Variants in SUSD6 observed in about 807,000 individuals in gnomAD.
SUSD6 encodes sushi domain-containing protein 6.
In SUSD6, 16 loss-of-function variants were observed where a neutral mutation model predicts 28.4. The ratio of observed to expected loss-of-function variants is 0.56; its 90% CI spans 0.38 to 0.86. The LOEUF is 0.86. Among genes scored for constraint, SUSD6 ranks in the 40% least tolerant of loss-of-function variants. The pLI is 0.00. For missense variants in SUSD6, 341 were observed against 384.2 expected (o/e 0.89, Z 0.94); for synonymous variants, 147 against 159.6 (o/e 0.92, Z 0.59).
intron 2 of SUSD6, among the ~76,000 whole-genome samples, chr14:69,691,732 A>T (rs143178678): frequency 6.6e-6 from 1 of 152,170 alleles, no homozygotes; most frequent in East Asian, 1.9e-4. Context: ...CCTTTCACAT[A>T]TCCGTCTTAG....
intron 1 of SUSD6, among the ~76,000 whole-genome samples, chr14:69,628,631 G>A (rs564385078): frequency 3.9e-5 from 6 of 151,968 alleles, no homozygotes; most frequent in African/African-American, 1.4e-4. Context: ...GGATAAATCA[G>A]GAAACCAAGC....
At chr14:69,647,985 A>G (rs776794049) in intron 1 of SUSD6, among the ~76,000 whole-genome samples, 2 of 152,162 alleles carry the variant, frequency 1.3e-5, no homozygotes, top group Non-Finnish European at 2.9e-5. Context: ...TCAGGAAAAA[A>G]AAAATAAAGA....
chr14:69,694,028 G>T (rs79354412), intron 2 of SUSD6, among the ~76,000 whole-genome samples: 6,062 of 152,298 alleles, frequency 0.04, 435 homozygotes, highest in African/African-American at 0.14. Context: ...ACAAAATTTT[G>T]CAAGTCACGT....
At chr14:69,667,100 A>G (rs549109029) in intron 2 of SUSD6, among the ~76,000 whole-genome samples, 1 of 152,272 alleles carries the variant, frequency 6.6e-6, no homozygotes, top group East Asian at 1.9e-4. Context: ...GACCCTGGCT[A>G]TGGTAAGAGG....
At chr14:69,653,404 G>C (rs1425933735) in intron 1 of SUSD6, among the ~76,000 whole-genome samples, 2 of 152,220 alleles carry the variant, frequency 1.3e-5, no homozygotes, top group African/African-American at 4.8e-5. Context: ...GGTAGAAGCG[G>C]TGAAGAATTC....
intron 2 of SUSD6, among the ~76,000 whole-genome samples, chr14:69,659,552 CTGT>C (rs1885632533): frequency 6.6e-6 from 1 of 152,272 alleles, no homozygotes; most frequent in African/African-American, 2.4e-5. Context: ...GAGTCTCACC[CTGT>C]TGTCCAGGCT....
At chr14:69,639,560 G>A (rs2181051) in intron 1 of SUSD6, among the ~76,000 whole-genome samples, 151,105 of 152,258 alleles carry the variant, frequency 0.99, 74,986 homozygotes, top group Middle Eastern at 1. Flanking sequence ...AGAGAATCAC[G>A]GAGTTGGTCT....
chr14:69,617,087 G>A (rs1008529732), intron 1 of SUSD6: 2 of 152,046 alleles, frequency 1.3e-5, no homozygotes, highest in African/African-American at 4.8e-5. Context: ...TGTTTTTGAG[G>A]CTTATTCATG....
intron 1 of SUSD6, among the ~76,000 whole-genome samples, chr14:69,641,873 G>A (rs2139603516): frequency 6.6e-6 from 1 of 152,140 alleles, no homozygotes; most frequent in South Asian, 2.1e-4. Flanking sequence ...CCAAAGTGCT[G>A]GGGTTACAGG....
chr14:69,612,306 G>A (rs538277472), intron 1 of SUSD6, among the ~76,000 whole-genome samples: 67 of 152,238 alleles, frequency 4.4e-4, no homozygotes, highest in African/African-American at 1.6e-3. Context: ...ATTTCCTGAG[G>A]AAATCTCAGA....
intron 2 of SUSD6, among the ~76,000 whole-genome samples, chr14:69,688,119 G>A (rs1886100403): frequency 1.3e-5 from 2 of 152,146 alleles, no homozygotes; most frequent in Admixed American, 1.3e-4. Flanking sequence ...GAAAGAAGAA[G>A]ACTAGATGTA....
At chr14:69,641,374 T>G (rs188772439) in intron 1 of SUSD6, among the ~76,000 whole-genome samples, 1 of 151,920 alleles carries the variant, frequency 6.6e-6, no homozygotes, top group Non-Finnish European at 1.5e-5. Flanking sequence ...CCCCAACCAT[T>G]ACTCCTGTTC....
At chr14:69,626,127 C>T (rs1479886918) in intron 1 of SUSD6, among the ~76,000 whole-genome samples, 4 of 152,232 alleles carry the variant, frequency 2.6e-5, no homozygotes, top group South Asian at 2.1e-4. Context: ...GGAAAAAAAG[C>T]CCTGAGTGAT....
At chr14:69,676,567 A>T (rs1424625759) in intron 2 of SUSD6, among the ~76,000 whole-genome samples, 5 of 152,092 alleles carry the variant, frequency 3.3e-5, no homozygotes, top group Admixed American at 1.3e-4. Flanking sequence ...TTTTAAAAAA[A>T]TTGTTTTTTT....
chr14:69,634,961 T>A (rs1056644597), intron 1 of SUSD6, among the ~76,000 whole-genome samples: 10 of 152,232 alleles, frequency 6.6e-5, no homozygotes, highest in Admixed American at 5.9e-4. Flanking sequence ...TATTCTCAGC[T>A]AGTAAATACT....
At chr14:69,612,915 A>G (rs1881537006) in intron 1 of SUSD6, among the ~76,000 whole-genome samples, 1 of 152,206 alleles carries the variant, frequency 6.6e-6, no homozygotes, top group Admixed American at 6.5e-5. Context: ...GTAAAAACAT[A>G]CATAGGAGTT....
At chr14:69,636,504 T>C (rs1370780576) in intron 1 of SUSD6, among the ~76,000 whole-genome samples, 1 of 152,250 alleles carries the variant, frequency 6.6e-6, no homozygotes, top group Non-Finnish European at 1.5e-5. Flanking sequence ...TCGCCTCCTC[T>C]TTCTGTGTTG....
intron 2 of SUSD6, among the ~76,000 whole-genome samples, chr14:69,697,211 AC>A (rs1886238326): frequency 6.6e-6 from 1 of 152,146 alleles, no homozygotes; most frequent in African/African-American, 2.4e-5. Context: ...AGCAGTGAGG[AC>A]ACCGGAGGTC....
chr14:69,690,385 C>A (rs1213246070), intron 2 of SUSD6, among the ~76,000 whole-genome samples: 1 of 152,210 alleles, frequency 6.6e-6, no homozygotes, highest in Non-Finnish European at 1.5e-5. Flanking sequence ...ATCCATCCTT[C>A]TTTGGACTTT....
Sources: allele counts gnomAD v4.1 joint callset (sites outside exome capture counted in the v4.1 genomes callset), GRCh38; gene constraint gnomAD v4.1.1; transcripts MANE v1.5; gene names NCBI Gene and HGNC (gene_info 2026-07-23, HGNC 2026-07-21).